Variants in ANKFN1 observed in about 807,000 individuals in gnomAD.
ANKFN1 encodes the protein ankyrin repeat and fibronectin type III domain containing 1.
In ANKFN1, 74 loss-of-function variants were observed where a neutral mutation model predicts 108.7. The ratio of observed to expected loss-of-function variants is 0.68; its 90% CI spans 0.56 to 0.83. ANKFN1 has a LOEUF of 0.83. ANKFN1 is among the 40% of genes least tolerant of loss of function. The pLI, the probability that ANKFN1 is intolerant of heterozygous loss-of-function variation, is 0.00. For synonymous variants in ANKFN1, 547 were observed against 516.2 expected, an observed-to-expected ratio of 1.06 and a Z score of -0.81; for missense variants, 1,505 against 1,382.3, an observed-to-expected ratio of 1.09 and a Z score of -1.41.
chr17:56,442,818 G>C, intron 9 of ANKFN1, 25 bp from the exon 10 acceptor site: 1 of 1,602,174 alleles, frequency 6.2e-7, no homozygotes, highest in South Asian at 1.1e-5. Context: ...TAAAATGCCT[G>C]ATGCATCATT....
At chr17:56,059,617 G>A (rs1904939749) in intron 4 of ANKFN1, among the ~76,000 whole-genome samples, 1 of 152,138 alleles carries the variant, frequency 6.6e-6, no homozygotes, top group Non-Finnish European at 1.5e-5. Flanking sequence ...TGTATAAGGT[G>A]TAAGGAAGGG....
intron 3 of ANKFN1, among the ~76,000 whole-genome samples, chr17:56,265,314 C>G (rs936307585): frequency 2.0e-5 from 3 of 152,152 alleles, no homozygotes; most frequent in Admixed American, 6.5e-5. Context: ...AAAGGGGAAG[C>G]AAGCACCTTC....
chr17:56,069,584 G>C (rs1019065197), intron 4 of ANKFN1, among the ~76,000 whole-genome samples: 9 of 152,276 alleles, frequency 5.9e-5, no homozygotes, highest in African/African-American at 2.2e-4. Context: ...GGGTATGTTT[G>C]TTTCCTGGGG....
intron 5 of ANKFN1, 119 bp downstream of exon 5, chr17:56,351,086 G>T: frequency 1.0e-6 from 1 of 976,110 alleles, no homozygotes. Flanking sequence ...TTTTATAAAT[G>T]CTGGAATAGA....
At chr17:56,329,479 C>T (rs1041954387) in intron 4 of ANKFN1, among the ~76,000 whole-genome samples, 17 of 152,180 alleles carry the variant, frequency 1.1e-4, no homozygotes, top group African/African-American at 3.4e-4. Context: ...ATGACCACAT[C>T]CTGTCACACA....
At chr17:56,371,696 A>T (rs1598475250) in intron 6 of ANKFN1, among the ~76,000 whole-genome samples, 2 of 152,246 alleles carry the variant, frequency 1.3e-5, no homozygotes, top group African/African-American at 4.8e-5. Flanking sequence ...CTCTGAAGTG[A>T]CCAAGTGACC....
intron 3 of ANKFN1, among the ~76,000 whole-genome samples, chr17:56,244,354 A>C (rs2144020343): frequency 6.6e-6 from 1 of 152,204 alleles, no homozygotes; most frequent in South Asian, 2.1e-4. Context: ...TTTCCTCAGT[A>C]AGATTTGACA....
intron 1 of ANKFN1, chr17:56,156,701 G>T (rs1909155633): frequency 6.6e-6 from 1 of 152,142 alleles, no homozygotes; most frequent in South Asian, 2.1e-4. Flanking sequence ...TGTGTCTAGG[G>T]GCCAGGTTCT....
At chr17:56,294,682 T>C (rs112382565) in intron 3 of ANKFN1, among the ~76,000 whole-genome samples, 1 of 152,212 alleles carries the variant, frequency 6.6e-6, no homozygotes, top group Non-Finnish European at 1.5e-5. Flanking sequence ...ACCTGCTTGT[T>C]TGTGTCATTC....
In ANKFN1 at chr17:56,170,902, G is replaced by A. The variant is rs188498797; in HGVS notation, c.-71+17372G>A. Among the ~76,000 whole-genome samples the A allele has an allele frequency of 2.8e-3, 411 of 146,620 alleles. 2 individuals are homozygous for A. The highest frequency in any genetic ancestry group is 9.9e-3 in the African/African-American group (389 of 39,460). On this transcript the variant is annotated intron_variant, in intron 1 of 20. Transcript: ENST00000682825. ...CTAGTTACCTGCCCTTACTACCACC[G>A]CCATACACACATACATCCCTATTTT...
rs183818652 is a variant in ANKFN1 at position 56,186,675 on chromosome 17, A to C, written c.-70-25923A>C. ...ATGGTCTACACCAGGAAAAGAGCAC[A>C]GTGCTAAGGATCACATACAGCCTGA... On this transcript the variant is annotated intron_variant, in intron 1 of 20. Coordinates refer to ENST00000682825, the MANE Select transcript of ANKFN1 (RefSeq NM_001370326.1). 6.6e-4 allele frequency among the ~76,000 whole-genome samples: 100 copies of C among 152,362 alleles called. 1 individual carries two copies. The highest frequency in any genetic ancestry group is 2.4e-3 in the African/African-American group (99 of 41,590).
chr17:56,492,631 C>T (rs1269562235), intron 19 of ANKFN1, among the ~76,000 whole-genome samples: 1 of 152,010 alleles, frequency 6.6e-6, no homozygotes, highest in East Asian at 1.9e-4. Context: ...AAAATCACCC[C>T]CCAGAAGCAG....
chr17:56,062,310 T>C (rs1366368462), intron 4 of ANKFN1, among the ~76,000 whole-genome samples: 3 of 151,466 alleles, frequency 2.0e-5, no homozygotes, highest in African/African-American at 7.4e-5. Flanking sequence ...CTCATTGATC[T>C]GTCTAATATT....
At chr17:56,287,524 A>G (rs1255781707) in intron 3 of ANKFN1, among the ~76,000 whole-genome samples, 2 of 152,214 alleles carry the variant, frequency 1.3e-5, no homozygotes, top group Non-Finnish European at 2.9e-5. Context: ...TAATTTTAAT[A>G]ATGGTGTGTG....
At chr17:56,227,078 G>A (rs762447000) in intron 2 of ANKFN1, among the ~76,000 whole-genome samples, 1 of 152,100 alleles carries the variant, frequency 6.6e-6, no homozygotes, top group Non-Finnish European at 1.5e-5. Context: ...ACCATGATTT[G>A]AGTGCTTAGT....
At chr17:56,176,034 A>G (rs924394697) in intron 1 of ANKFN1, among the ~76,000 whole-genome samples, 7 of 151,556 alleles carry the variant, frequency 4.6e-5, no homozygotes, top group African/African-American at 1.7e-4. Flanking sequence ...TATTTATTTG[A>G]TTTTTGCAGA....
intron 3 of ANKFN1, among the ~76,000 whole-genome samples, chr17:56,324,079 T>C (rs1459749674): frequency 2.6e-5 from 4 of 152,114 alleles, no homozygotes; most frequent in Non-Finnish European, 5.9e-5. Flanking sequence ...CCCATCATAT[T>C]TGATGATCTG....
chr17:56,128,188 G>C (rs1483680091), intron 4 of ANKFN1, among the ~76,000 whole-genome samples: 1 of 151,230 alleles, frequency 6.6e-6, no homozygotes, highest in East Asian at 1.9e-4. Flanking sequence ...AAAGACTGTA[G>C]AGCCTAAGGG....
At chr17:56,245,230 T>C (rs1163243411) in intron 3 of ANKFN1, among the ~76,000 whole-genome samples, 1 of 152,176 alleles carries the variant, frequency 6.6e-6, no homozygotes, top group African/African-American at 2.4e-5. Context: ...CAGTGGAGGA[T>C]CTGAACCTGT....
Sources: allele counts gnomAD v4.1 joint callset (sites outside exome capture counted in the v4.1 genomes callset), GRCh38; gene constraint gnomAD v4.1.1; transcripts MANE v1.5; gene names NCBI Gene and HGNC (gene_info 2026-07-23, HGNC 2026-07-21).